Variants in LARP1 observed in about 807,000 individuals in gnomAD.
LARP1 encodes the protein La ribonucleoprotein 1, translational regulator, also known as la-related protein 1.
In LARP1, 36 loss-of-function variants were observed where a neutral mutation model predicts 122.7. That is an observed-to-expected ratio of 0.29 (90% confidence interval 0.22 to 0.39). The LOEUF (loss-of-function observed/expected upper bound fraction) is 0.39, where lower values mean the gene tolerates loss of function less well. LARP1 is among the 10% of genes least tolerant of loss of function. The pLI is 1.00. For missense variants in LARP1, 1,040 were observed against 1,403.6 expected (o/e 0.74, Z 4.14); for synonymous variants, 539 against 528.7 (o/e 1.02, Z -0.27).
chr5:154,800,350 T>C (rs1271106315), intron 10 of LARP1, among the ~76,000 whole-genome samples: 1 of 152,208 alleles, frequency 6.6e-6, no homozygotes, highest in African/African-American at 2.4e-5. Flanking sequence ...GGCTCTTCTT[T>C]TTGCTCCATC....
intron 1 of LARP1, among the ~76,000 whole-genome samples, chr5:154,701,622 C>CT (rs70981938): frequency 0.094 from 12,726 of 135,416 alleles, 821 homozygotes; most frequent in East Asian, 0.31. Flanking sequence ...GGGAAACTTT[C>CT]TTTTTTTTTT....
At chr5:154,741,044 G>A (rs1482815175) in intron 1 of LARP1, among the ~76,000 whole-genome samples, 1 of 152,140 alleles carries the variant, frequency 6.6e-6, no homozygotes, top group Non-Finnish European at 1.5e-5. Context: ...GGATCATCCT[G>A]GAAATCTGAC....
At chr5:154,792,583 C>G in intron 3 of LARP1, 39 bp from the exon 4 acceptor site, 3 of 1,598,128 alleles carry the variant, frequency 1.9e-6, no homozygotes, top group Non-Finnish European at 2.6e-6. Flanking sequence ...CCATGAGGCA[C>G]TCACACTCAC....
intron 1 of LARP1, among the ~76,000 whole-genome samples, chr5:154,764,595 CAAAAA>C (rs1158921641): frequency 9.8e-4 from 44 of 44,890 alleles, no homozygotes; most frequent in Admixed American, 1.7e-3. Flanking sequence ...GACCATGTCT[CAAAAA>C]AAAAAAAAAA....
chr5:154,726,157 G>A (rs904749559), intron 1 of LARP1, among the ~76,000 whole-genome samples: 3 of 152,126 alleles, frequency 2.0e-5, no homozygotes, highest in African/African-American at 7.2e-5. Context: ...CAAGTCTTCA[G>A]CTGGAGCTAC....
chr5:154,799,294 TCCAGATATTATACATAC>T (rs1001598716), intron 8 of LARP1, among the ~76,000 whole-genome samples: 1 of 152,216 alleles, frequency 6.6e-6, no homozygotes, highest in Non-Finnish European at 1.5e-5. Flanking sequence ...TGGCTTTTTG[TCCAGATATTATACATAC>T]TGCTCCCTGT....
chr5:154,739,770 C>G (rs1371742250), intron 1 of LARP1, among the ~76,000 whole-genome samples: 1 of 152,164 alleles, frequency 6.6e-6, no homozygotes, highest in East Asian at 1.9e-4. Flanking sequence ...TTCTAAGACT[C>G]GGAAAGACAA....
chr5:154,689,949 C>T (rs959503674), intron 1 of LARP1, among the ~76,000 whole-genome samples: 3 of 152,032 alleles, frequency 2.0e-5, no homozygotes, highest in Admixed American at 6.6e-5. Context: ...CGTGGTGGCA[C>T]GCGCCTGCTT....
In LARP1 at chr5:154,815,213, C is replaced by T. The variant is rs1035448756; in HGVS notation, c.*1117C>T. 1 of 152,408 alleles carries T rather than the reference C, an allele frequency of 6.6e-6. No homozygotes were observed. The highest frequency in any genetic ancestry group is 1.5e-5 in the Non-Finnish European group (1 of 68,036). The allele number at this position is 152,408 out of a possible 1,614,324, so 9.4% of individuals were successfully genotyped here. ...GAATCAGAGCCGTGCCCAAGATATC[C>T]CTGCTGTTGCATCGTTTGAAGCTGA... On this transcript the variant is annotated 3_prime_UTR_variant, in exon 19 of 19. Transcript: ENST00000518297.
At chr5:154,728,093 T>C (rs1489590587) in intron 1 of LARP1, among the ~76,000 whole-genome samples, 3 of 152,110 alleles carry the variant, frequency 2.0e-5, no homozygotes, top group African/African-American at 7.2e-5. Flanking sequence ...AAATAAATCT[T>C]GTGTGAGCAT....
Position 154,790,693 on chromosome 5 carries a change from G to A in LARP1, c.547G>A (p.Ala183Thr), listed in dbSNP as rs777950032. ...AINWPTPGEI[A>T]HKSVQPQSHK... Reference sequence around the variant, plus strand: ...CAATTGGCCCACACCTGGAGAGATAGCCCACAAGAGTGTTCAGGTGAGTCT... The same window carrying A: ...CAATTGGCCCACACCTGGAGAGATAACCCACAAGAGTGTTCAGGTGAGTCT... Residue 183 changes from alanine to threonine, a missense_variant, in exon 3 of 19, where the codon GCC (alanine) becomes ACC (threonine). Ala to Thr is a moderately conservative substitution (Grantham distance 58, BLOSUM62 0). This residue lies in a region of LARP1 where 257 missense variants were observed against 273.3 expected (regional missense o/e 0.94). Transcript: ENST00000518297. The A allele has an allele frequency of 6.2e-7, 1 of 1,614,206 alleles. No individual in the cohort carries two copies. The highest frequency in any genetic ancestry group is 8.5e-7 in the Non-Finnish European group (1 of 1,180,020).
At position 154,802,413 on chromosome 5, in the gene LARP1, A is replaced by T; in HGVS notation, c.2109+14A>T. The T allele has an allele frequency of 6.3e-7, 1 of 1,575,860 alleles. No individual in the cohort carries two copies. On this transcript the variant is annotated intron_variant, in intron 11 of 18. Transcript: ENST00000518297. The surrounding 1 kb of genome is among the most constrained non-coding windows in gnomAD (Gnocchi z 5.1). The stretch of plus-strand genomic sequence containing the variant: ...TCCCAGATCAAGGTGAGGCTTGGAC[A>T]TAGCAGTGAGTGTGGAGCCTGGTGT...
At chr5:154,734,599 A>G (rs1756771641) in intron 1 of LARP1, among the ~76,000 whole-genome samples, 1 of 152,190 alleles carries the variant, frequency 6.6e-6, no homozygotes, top group African/African-American at 2.4e-5. Context: ...GCTGTTTTTC[A>G]GTGAGTAAAG....
intron 8 of LARP1, among the ~76,000 whole-genome samples, chr5:154,799,141 C>T (rs1201837869): frequency 3.3e-5 from 5 of 152,218 alleles, no homozygotes; most frequent in African/African-American, 9.6e-5. Context: ...GGATTATAGA[C>T]GTGAGCCACC....
At chr5:154,721,577 C>G (rs1050757952) in intron 1 of LARP1, among the ~76,000 whole-genome samples, 3 of 152,188 alleles carry the variant, frequency 2.0e-5, no homozygotes, top group African/African-American at 7.2e-5. Context: ...CTTCCTTGTA[C>G]CTCTTCCTGC....
At chr5:154,757,157 C>T (rs1237972998) in intron 1 of LARP1, 2 of 151,098 alleles carry the variant, frequency 1.3e-5, no homozygotes, top group African/African-American at 4.9e-5. Flanking sequence ...TCCCAGCATT[C>T]CTCTGCAGCC....
intron 1 of LARP1, among the ~76,000 whole-genome samples, chr5:154,781,855 T>C (rs550809707): frequency 1.3e-5 from 2 of 152,302 alleles, no homozygotes; most frequent in South Asian, 4.1e-4. Flanking sequence ...AGGCAAAAGA[T>C]TGGACACCTC....
chr5:154,752,582 A>C (rs1753557885), upstream of LARP1, among the ~76,000 whole-genome samples: 3 of 152,108 alleles, frequency 2.0e-5, no homozygotes, highest in African/African-American at 7.2e-5. Flanking sequence ...CTTCATCTGC[A>C]AAACAAGGAG....
intron 1 of LARP1, among the ~76,000 whole-genome samples, chr5:154,705,919 C>T (rs1000261698): frequency 6.6e-6 from 1 of 152,174 alleles, no homozygotes; most frequent in Admixed American, 6.6e-5. Context: ...TATACACTCA[C>T]ATGTTAATCA....
Sources: allele counts gnomAD v4.1 joint callset (sites outside exome capture counted in the v4.1 genomes callset), GRCh38; gene constraint gnomAD v4.1.1; regional missense constraint gnomAD v4.1.1; non-coding constraint Gnocchi (gnomAD v3.1); transcripts MANE v1.5; gene names NCBI Gene and HGNC (gene_info 2026-07-23, HGNC 2026-07-21).